ANKRD30B: variants seen among roughly 807,000 people sequenced by gnomAD.
ANKRD30B encodes ankyrin repeat domain 30B.
Under a neutral mutation model 202.2 loss-of-function variants are expected in ANKRD30B, and 144 were observed. The ratio of observed to expected loss-of-function variants is 0.71; its 90% CI spans 0.62 to 0.82. ANKRD30B has a LOEUF of 0.82. Ranked by LOEUF, ANKRD30B falls within the 40% of genes least tolerant of loss-of-function variation. The probability of loss-of-function intolerance (pLI) is 0.00; values close to 1 mark genes in which losing one functional copy is unlikely to be tolerated. For missense variants in ANKRD30B, 1,487 were observed against 1,669.1 expected (o/e 0.89, Z 1.90); for synonymous variants, 508 against 561.3 (o/e 0.91, Z 1.34).
In ANKRD30B at chr18:14,752,995, A is replaced by G. The variant is rs1281045477; in HGVS notation, c.493A>G (p.Ile165Val). ...VATLLSYGAV[I>V]EVQNKASLTP... ...AACACTGCTGTCCTATGGTGCAGTC[A>G]TCGAGGTGCAAAACAAGGTAGACAT... Residue 165 changes from isoleucine to valine, a missense_variant, in exon 3 of 44, where the codon ATC (isoleucine) becomes GTC (valine). By Grantham distance (29) the Ile-to-Val change is conservative. Coordinates refer to ENST00000690538, the MANE Select transcript of ANKRD30B (RefSeq NM_001367607.2). The G allele has an allele frequency of 6.3e-7, 1 of 1,595,416 alleles. No homozygotes were observed. The highest frequency in any genetic ancestry group is 2.3e-5 in the East Asian group (1 of 43,924).
intron 39 of ANKRD30B, among the ~76,000 whole-genome samples, chr18:14,843,313 T>C (rs1323268447): frequency 6.6e-6 from 1 of 152,160 alleles, no homozygotes; most frequent in Non-Finnish European, 1.5e-5. Flanking sequence ...GTTTCCACTT[T>C]CACGTCCTCA....
At chr18:14,818,532 C>A (rs1329189227) in intron 30 of ANKRD30B, among the ~76,000 whole-genome samples, 2 of 64,980 alleles carry the variant, frequency 3.1e-5, no homozygotes, top group East Asian at 3.3e-4. Context: ...CTACAACAGT[C>A]CCCAGAGTGT....
the ANKRD30B span, chr18:14,883,399 C>G: frequency 2.7e-5 from 1 of 37,212 alleles, no homozygotes; most frequent in Non-Finnish European, 4.9e-5. Context: ...CTCTCTCTCT[C>G]TATATATATA....
chr18:14,882,540 G>A, the ANKRD30B span, among the ~76,000 whole-genome samples: 1 of 152,098 alleles, frequency 6.6e-6, no homozygotes, highest in East Asian at 1.9e-4. Flanking sequence ...GTCTATCTTA[G>A]AGAAAATTCC....
At chr18:14,931,640 C>A in the ANKRD30B span, among the ~76,000 whole-genome samples, 3 of 152,078 alleles carry the variant, frequency 2.0e-5, no homozygotes, top group Non-Finnish European at 4.4e-5. Flanking sequence ...GTGCTCCCTG[C>A]GCATGGAACA....
At chr18:14,868,858 T>C in the ANKRD30B span, among the ~76,000 whole-genome samples, 1 of 152,408 alleles carries the variant, frequency 6.6e-6, no homozygotes, top group African/African-American at 2.4e-5. Flanking sequence ...AGGGCTTCTA[T>C]GGCCAGGAAG....
rs575129696 is a variant in ANKRD30B, at chr18:14,810,059, T to C, written c.2415+45T>C. The C allele has an allele frequency of 6.8e-6, 10 of 1,462,744 alleles. No individual in the cohort carries two copies. The African/African-American group carries it at 8.5e-5, about 12-fold the overall frequency. 90.6% of individuals were successfully genotyped at this position (1,462,744 alleles called of 1,614,324 possible). A position where few individuals can be genotyped will look rare whatever the true frequency, so the allele number is the denominator to read the frequency against. ...TATCTTGAATATTACCTACATATTTTATGAAGTATACATTATCTATTAATT... is the reference window on the plus strand; with the variant it reads ...TATCTTGAATATTACCTACATATTTCATGAAGTATACATTATCTATTAATT... On this transcript the variant is annotated intron_variant, in intron 27 of 43. Transcript: ENST00000690538.
the ANKRD30B span, among the ~76,000 whole-genome samples, chr18:14,934,580 A>G: frequency 0.044 from 6,639 of 152,178 alleles, 193 homozygotes; most frequent in Non-Finnish European, 0.069. Context: ...GGAGCCACCG[A>G]TGCATCAGAG....
the ANKRD30B span, among the ~76,000 whole-genome samples, chr18:14,901,690 G>A: frequency 6.6e-6 from 1 of 151,852 alleles, no homozygotes; most frequent in Non-Finnish European, 1.5e-5. Flanking sequence ...ACTATTCGTG[G>A]GTATTTGTAT....
the ANKRD30B span, among the ~76,000 whole-genome samples, chr18:14,900,774 G>T: frequency 6.6e-6 from 1 of 152,138 alleles, no homozygotes; most frequent in African/African-American, 2.4e-5. Flanking sequence ...GCCAGCAGAA[G>T]CCCTTTGTGC....
At chr18:14,883,393 C>A in the ANKRD30B span, 202 of 86,156 alleles carry the variant, frequency 2.3e-3, no homozygotes, top group Non-Finnish European at 3.5e-3. Flanking sequence ...CTCTCTCTCT[C>A]TCTCTCTATA....
In ANKRD30B at chr18:14,763,755, G is replaced by C; in HGVS notation, c.890G>C (p.Ser297Thr). 6.2e-7 allele frequency: 1 copy of C among 1,614,064 alleles called. No individual in the cohort carries two copies. The highest frequency in any genetic ancestry group is 8.5e-7 in the Non-Finnish European group (1 of 1,179,992). ...LAERTPDTAE[S>T]LLEKTPDEAA... ...GAAAGAACACCTGACACGGCTGAAA[G>C]CTTGCTGGAAAAAACACCTGACGAG... The change falls in exon 7 of 44, where the codon AGC becomes ACC. Residue 297 changes from serine to threonine, a missense_variant. This residue lies in a region of ANKRD30B where 889 missense variants were observed against 841.4 expected (regional missense o/e 1.06). Coordinates refer to ENST00000690538, the MANE Select transcript of ANKRD30B (RefSeq NM_001367607.2).
chr18:14,837,945 G>A (rs1971252854), intron 36 of ANKRD30B, among the ~76,000 whole-genome samples: 1 of 152,198 alleles, frequency 6.6e-6, no homozygotes, highest in Non-Finnish European at 1.5e-5. Context: ...GAACCCAGAA[G>A]GTGGAGCTTG....
Position 14,778,085 on chromosome 18 carries a change from A to G in ANKRD30B, c.1420+10A>G, listed in dbSNP as rs1568000851. The G allele has an allele frequency of 6.7e-7, 1 of 1,503,658 alleles. No homozygotes were observed. The highest frequency in any genetic ancestry group is 2.0e-5 in the Admixed American group (1 of 49,080). 93.1% of individuals were successfully genotyped at this position (1,503,658 alleles called of 1,614,324 possible). A position where few individuals can be genotyped will look rare whatever the true frequency, so the allele number is the denominator to read the frequency against. The stretch of plus-strand genomic sequence containing the variant: ...AATCACAAAATAGAAGGTAAGAACC[A>G]TTTTTTATTTAAAACATCTTTTGAC... On this transcript the variant is annotated intron_variant, in intron 10 of 43. Transcript: ENST00000690538.
chr18:14,780,128 T>C (rs1341365607), intron 11 of ANKRD30B, 107 bp downstream of exon 11: 3 of 795,458 alleles, frequency 3.8e-6, no homozygotes, highest in African/African-American at 3.6e-5. Context: ...CTGCATATGC[T>C]CAGAAGAAAT....
intron 15 of ANKRD30B, among the ~76,000 whole-genome samples, chr18:14,789,618 G>C (rs76772860): frequency 0.57 from 87,262 of 151,986 alleles, 25,792 homozygotes; most frequent in African/African-American, 0.72. Flanking sequence ...TGGCTAGCCA[G>C]TTTTCCCAGC....
chr18:14,876,461 T>A, the ANKRD30B span, among the ~76,000 whole-genome samples: 63,260 of 152,042 alleles, frequency 0.42, 14,053 homozygotes, highest in East Asian at 0.58. Flanking sequence ...TGCCAACATT[T>A]AGCCACAAGT....
chr18:14,826,006 A>T (rs1392473198), intron 32 of ANKRD30B, among the ~76,000 whole-genome samples: 1 of 152,166 alleles, frequency 6.6e-6, no homozygotes, highest in Non-Finnish European at 1.5e-5. Context: ...TTTTCTTTAC[A>T]TATTGAGTTC....
At position 14,764,051 on chromosome 18, in the gene ANKRD30B, T is replaced by C; in HGVS notation, c.1186T>C (p.Cys396Arg). The C allele has an allele frequency of 6.4e-7, 1 of 1,551,754 alleles. No homozygotes were observed. Among genetic ancestry groups the C allele is most frequent in the Non-Finnish European group, 8.7e-7 (1 of 1,155,816 alleles). Residue 396 changes from cysteine to arginine, a missense_variant, in exon 7 of 44, where the codon TGT becomes CGT. Around this residue, in one of 6 missense-constraint regions of ANKRD30B, gnomAD observed 889 missense variants for 841.4 expected, o/e 1.06. Coordinates refer to ENST00000690538, the MANE Select transcript of ANKRD30B (RefSeq NM_001367607.2). The stretch of plus-strand genomic sequence containing the variant: ...AAAAGGAACATCTAATATGATTGCA[T>C]GTCCTACAAAAGAAACATCTACAAA... ...LEKGTSNMIACPTKETSTKAS... is the reference protein window; with the variant it reads ...LEKGTSNMIARPTKETSTKAS...
Sources: gnomAD v4.1 joint callset for allele counts (sites outside exome capture counted in the v4.1 genomes callset) on GRCh38, gnomAD v4.1.1 for gene constraint, gnomAD v4.1.1 regional missense constraint, MANE v1.5 for transcripts, NCBI Gene and HGNC (gene_info 2026-07-23, HGNC 2026-07-21) for gene names.